The following DMD variants were observed in gnomAD, a reference collection of about 807,000 sequenced individuals.
DMD encodes dystrophin.
Under a neutral mutation model 330.1 loss-of-function variants are expected in DMD, and 63 were observed. The ratio of observed to expected loss-of-function variants is 0.19; its 90% confidence interval spans 0.16 to 0.24. The LOEUF is 0.24. Among genes scored for constraint, DMD ranks in the 10% least tolerant of loss-of-function variants. DMD has a pLI of 1.00. For missense variants in DMD, 3,344 were observed against 2,684.1 expected (o/e 1.25, Z -5.43); for synonymous variants, 1,223 against 959.8 (o/e 1.27, Z -5.07).
chrX:31,363,736 C>A (rs1485468674), intron 60 of DMD, among the ~76,000 whole-genome samples: 1 of 111,881 alleles, frequency 8.9e-6, no homozygotes, highest in African/African-American at 3.3e-5. Context: ...ACATTTTGGC[C>A]TGGGCAATTT....
In DMD at chrX:32,312,941, C is replaced by CAAAAAAAAAAAAAAAAA. The variant is rs1171543953; in HGVS notation, c.5923-2666_5923-2665insTTTTTTTTTTTTTTTTT. ...AATTGAGGCAGTAATAGCCTACGAA[C>CAAAAAAAAAAAAAAAAA]CAAAAAAAAAAAAAAAAAAAAAAGC... On this transcript the variant is annotated intron_variant, in intron 41 of 78. Coordinates refer to ENST00000357033, the MANE Select transcript of DMD (RefSeq NM_004006.3). Among the ~76,000 whole-genome samples, 39 of 19,194 alleles carry CAAAAAAAAAAAAAAAAA rather than the reference C, an allele frequency of 2.0e-3. 2 individuals carry two copies. The highest frequency in any genetic ancestry group is 3.5e-3 in the Non-Finnish European group (33 of 9,322). 16.7% of individuals were successfully genotyped at this position (19,194 alleles called of 115,157 possible).
chrX:33,293,471 A>G (rs2053542455), intron 1 of DMD, among the ~76,000 whole-genome samples: 1 of 111,676 alleles, frequency 9.0e-6, no homozygotes, highest in African/African-American at 3.3e-5. Flanking sequence ...AGCTCCAATC[A>G]TCACATTGCC....
chrX:31,341,881 GTGCGCGCGCGCACA>G (rs1053053216), intron 61 of DMD, among the ~76,000 whole-genome samples: 1 of 59,619 alleles, frequency 1.7e-5, no homozygotes, highest in African/African-American at 8.5e-5. Context: ...GCGCGCGTGC[GTGCGCGCGCGCACA>G]CACACACACA....
chrX:31,587,240 G>A (rs1358788088), intron 55 of DMD, among the ~76,000 whole-genome samples: 1 of 111,478 alleles, frequency 9.0e-6, no homozygotes, highest in Non-Finnish European at 1.9e-5. Context: ...GACAGGAGGA[G>A]TATGTTCAAG....
chrX:33,085,174 T>G (rs2094986496), intron 1 of DMD, among the ~76,000 whole-genome samples: 1 of 111,656 alleles, frequency 9.0e-6, no homozygotes, highest in African/African-American at 3.3e-5. Context: ...ATCAGGGAAA[T>G]AACTTGTTTG....
chrX:32,352,334 T>A (rs1420940990), intron 37 of DMD, among the ~76,000 whole-genome samples: 1 of 110,775 alleles, frequency 9.0e-6, no homozygotes, highest in Non-Finnish European at 1.9e-5. Context: ...ATATAATACA[T>A]GCCATATATG....
chrX:32,452,088 G>A (rs977345319), intron 26 of DMD, among the ~76,000 whole-genome samples: 2 of 108,608 alleles, frequency 1.8e-5, no homozygotes, highest in Non-Finnish European at 3.8e-5. Context: ...TAGGCAAATC[G>A]CTCATAGGGA....
chrX:32,722,813 T>C (rs942321697), intron 7 of DMD, among the ~76,000 whole-genome samples: 3 of 111,414 alleles, frequency 2.7e-5, no homozygotes, highest in African/African-American at 9.8e-5. Flanking sequence ...CATTTATTAG[T>C]TCTAACATTT....
chrX:32,551,715 G>A (rs189053704), intron 16 of DMD, among the ~76,000 whole-genome samples: 5 of 111,193 alleles, frequency 4.5e-5, no homozygotes, highest in East Asian at 2.8e-4. Flanking sequence ...CAGACGATGA[G>A]GTTCTATACT....
chrX:32,951,888 A>G (rs1331125052), intron 2 of DMD, among the ~76,000 whole-genome samples: 1 of 111,756 alleles, frequency 8.9e-6, no homozygotes, highest in Non-Finnish European at 1.9e-5. Flanking sequence ...CTTAACGCAA[A>G]TAAAGATACT....
At chrX:31,318,883 C>T (rs1381317163) in intron 62 of DMD, among the ~76,000 whole-genome samples, 1 of 112,019 alleles carries the variant, frequency 8.9e-6, no homozygotes, top group Non-Finnish European at 1.9e-5. Flanking sequence ...GCAACCACAG[C>T]GTCTTTGAAG....
chrX:31,986,289 T>C, intron 44 of DMD, among the ~76,000 whole-genome samples: 1 of 111,805 alleles, frequency 8.9e-6, no homozygotes, highest in African/African-American at 3.3e-5. Context: ...AAATAAAAGA[T>C]GATAAAATTT....
intron 60 of DMD, among the ~76,000 whole-genome samples, chrX:31,386,335 C>T: frequency 9.0e-6 from 1 of 111,182 alleles, no homozygotes; most frequent in Non-Finnish European, 1.9e-5. Context: ...TGTAACAAAC[C>T]TGCACGTTGT....
chrX:33,253,800 C>T (rs1257520822), intron 1 of DMD, among the ~76,000 whole-genome samples: 3 of 111,114 alleles, frequency 2.7e-5, no homozygotes, highest in African/African-American at 9.8e-5. Context: ...TCCATAAATA[C>T]TAATGAAATT....
intron 2 of DMD, among the ~76,000 whole-genome samples, chrX:32,851,252 G>A (rs1352632419): frequency 1.9e-5 from 2 of 107,240 alleles, no homozygotes; most frequent in African/African-American, 3.8e-5. Flanking sequence ...GTAAATGCCC[G>A]GGTACTTCAA....
chrX:32,829,079 G>C (rs1041486942), intron 4 of DMD, among the ~76,000 whole-genome samples: 1 of 111,226 alleles, frequency 9.0e-6, no homozygotes, highest in Non-Finnish European at 1.9e-5. Flanking sequence ...ACAAAATTTT[G>C]TATTTCATTC....
intron 27 of DMD, among the ~76,000 whole-genome samples, chrX:32,442,766 A>G (rs1339295654): frequency 1.8e-5 from 2 of 110,976 alleles, no homozygotes; most frequent in African/African-American, 3.3e-5. Flanking sequence ...AGGAGAATGG[A>G]AAAATATACC....
chrX:32,740,008 T>C (rs368150709), intron 7 of DMD, among the ~76,000 whole-genome samples: 2 of 110,056 alleles, frequency 1.8e-5, no homozygotes, highest in African/African-American at 6.6e-5. Flanking sequence ...AGGCTCCTGA[T>C]AGTATCTTTT....
intron 19 of DMD, among the ~76,000 whole-genome samples, chrX:32,501,032 G>T (rs185683586): frequency 8.9e-6 from 1 of 111,758 alleles, no homozygotes; most frequent in African/African-American, 3.2e-5. Flanking sequence ...CCTGATTTTC[G>T]TAAAATTTTA....
Sources: allele counts gnomAD v4.1 joint callset (sites outside exome capture counted in the v4.1 genomes callset), GRCh38; gene constraint gnomAD v4.1.1; transcripts MANE v1.5; gene names NCBI Gene and HGNC (gene_info 2026-07-23, HGNC 2026-07-21).